Variants in LONP2 observed in about 807,000 individuals in gnomAD.
LONP2 encodes the protein lon protease homolog 2, peroxisomal.
In LONP2, 60 loss-of-function variants were observed where a neutral mutation model predicts 85.6. The ratio of observed to expected loss-of-function variants is 0.70; its 90% CI spans 0.57 to 0.87. LONP2 has a LOEUF of 0.87. Ranked by LOEUF, LONP2 falls within the 40% of genes least tolerant of loss-of-function variation. The pLI is 0.00. For synonymous variants in LONP2, 395 were observed against 389.7 expected, an observed-to-expected ratio of 1.01 and a Z score of -0.16; for missense variants, 860 against 1,063.5, an observed-to-expected ratio of 0.81 and a Z score of 2.66.
Position 48,299,669 on chromosome 16 carries a change from A to T in LONP2, c.1542A>T (p.Thr514=), listed in dbSNP as rs147131724. 9 of 1,612,462 alleles carry T rather than the reference A, an allele frequency of 5.6e-6. No individual in the cohort carries two copies. Among genetic ancestry groups the T allele is most frequent in the Non-Finnish European group, 7.6e-6 (9 of 1,179,466 alleles). The stretch of plus-strand genomic sequence containing the variant: ...AGATCTCTTCTTTTCCAGGTTATAC[A>T]CAGGAGGAGAAGATAGAGATTGCCC... ...RMEIIQVPGY[T]QEEKIEIAHR... Residue 514 remains threonine (T), a synonymous_variant, in exon 10 of 15, where the codon ACA becomes ACT. Coordinates refer to ENST00000285737, the MANE Select transcript of LONP2 (RefSeq NM_031490.5).
At chr16:48,329,028 A>T (rs1353978348) in intron 11 of LONP2, among the ~76,000 whole-genome samples, 1 of 152,142 alleles carries the variant, frequency 6.6e-6, no homozygotes, top group Admixed American at 6.6e-5. Flanking sequence ...CTAGGTGGTA[A>T]TCTGAGTCAG....
chr16:48,296,452 G>A (rs917794149), intron 9 of LONP2, among the ~76,000 whole-genome samples: 2 of 152,204 alleles, frequency 1.3e-5, no homozygotes, highest in Admixed American at 1.3e-4. Flanking sequence ...GGCAGGCTGT[G>A]TGTGGTGGCT....
intron 11 of LONP2, among the ~76,000 whole-genome samples, chr16:48,326,506 A>G (rs2151019108): frequency 6.6e-6 from 1 of 152,250 alleles, no homozygotes; most frequent in East Asian, 1.9e-4. Context: ...GAGAATAAGG[A>G]GTGATCACAA....
chr16:48,271,901 G>T (rs143648062), intron 7 of LONP2, among the ~76,000 whole-genome samples: 79 of 152,216 alleles, frequency 5.2e-4, no homozygotes, highest in African/African-American at 1.8e-3. Context: ...GTTTGCTTTC[G>T]TAAAGGAATT....
At chr16:48,301,598 G>A (rs1344626715) in intron 10 of LONP2, among the ~76,000 whole-genome samples, 1 of 146,870 alleles carries the variant, frequency 6.8e-6, no homozygotes, top group Non-Finnish European at 1.5e-5. Flanking sequence ...TCGTGCCACT[G>A]CACTCCAGCC....
At chr16:48,263,115 A>G (rs1439885041) in intron 6 of LONP2, among the ~76,000 whole-genome samples, 5 of 152,226 alleles carry the variant, frequency 3.3e-5, no homozygotes, top group Non-Finnish European at 7.3e-5. Flanking sequence ...CTTCATAGCC[A>G]TAAACATATC....
chr16:48,257,129 T>C (rs536114925), intron 3 of LONP2, among the ~76,000 whole-genome samples: 1 of 152,170 alleles, frequency 6.6e-6, no homozygotes, highest in East Asian at 1.9e-4. Context: ...CTGGCCAACA[T>C]GGTAAAACCC....
In LONP2 at chr16:48,362,733, A is replaced by G. The variant is rs959468460; in HGVS notation, c.*870A>G. ...TAAATGCTAAAATAGAAAATGGACC[A>G]TAAACAACTAAAGAAACTATACAAG... On this transcript the variant is annotated 3_prime_UTR_variant, in exon 5 of 5. Coordinates refer to the LONP2 transcript ENST00000565867. This position sits in a 1 kb window ranked among gnomAD's most constrained non-coding sequence, Gnocchi z 4.2. 6 of 269,630 alleles carry G rather than the reference A, an allele frequency of 2.2e-5. No homozygotes were observed. Among genetic ancestry groups the G allele is most frequent in the Admixed American group, 1.0e-4 (2 of 19,620 alleles). 16.7% of individuals were successfully genotyped at this position (269,630 alleles called of 1,614,324 possible).
At chr16:48,296,245 A>C (rs1972668255) in intron 9 of LONP2, 80 bp downstream of exon 9, 3 of 1,456,850 alleles carry the variant, frequency 2.1e-6, no homozygotes, top group Admixed American at 2.1e-5. Context: ...TGGAGTTTTG[A>C]CTAAAAGAAG....
At chr16:48,306,742 A>G (rs981400953) in intron 11 of LONP2, among the ~76,000 whole-genome samples, 3 of 152,220 alleles carry the variant, frequency 2.0e-5, no homozygotes, top group African/African-American at 2.4e-5. Flanking sequence ...AATAATTTCT[A>G]CAAAAGAGTC....
intron 11 of LONP2, among the ~76,000 whole-genome samples, chr16:48,309,606 A>C (rs1972986805): frequency 6.6e-6 from 1 of 152,158 alleles, no homozygotes. Flanking sequence ...ATTGACCCAA[A>C]GGTTGTCCAG....
Position 48,332,302 on chromosome 16 carries a change from G to A in LONP2, c.1796-1914G>A, listed in dbSNP as rs558427420. On this transcript the variant is annotated intron_variant, in intron 11 of 14. Coordinates refer to ENST00000285737, the MANE Select transcript of LONP2 (RefSeq NM_031490.5). ...AATATATGTAGATATATTGCTGGAC[G>A]TGGTGGCTCACACCTGTAATCCCAA... Among the ~76,000 whole-genome samples, 32 of 152,290 alleles carry A rather than the reference G, an allele frequency of 2.1e-4. No individual in the cohort carries two copies. In the South Asian group the frequency reaches 5.4e-3, roughly 26 times the overall value.
intron 8 of LONP2, among the ~76,000 whole-genome samples, chr16:48,277,924 A>G (rs1199721471): frequency 1.3e-5 from 2 of 148,922 alleles, no homozygotes; most frequent in African/African-American, 2.5e-5. Flanking sequence ...GTCATTTTCT[A>G]TAGATGCCCC....
chr16:48,318,613 C>T (rs949399035), intron 11 of LONP2, among the ~76,000 whole-genome samples: 27 of 152,216 alleles, frequency 1.8e-4, no homozygotes, highest in African/African-American at 6.3e-4. Context: ...TCCCACTTTA[C>T]CACACCTTTA....
intron 10 of LONP2, among the ~76,000 whole-genome samples, chr16:48,300,977 A>C (rs1489721503): frequency 1.3e-5 from 2 of 152,196 alleles, no homozygotes; most frequent in Non-Finnish European, 2.9e-5. Flanking sequence ...TACCTAGAGA[A>C]CTGTTTCTTT....
intron 7 of LONP2, 57 bp from the exon 8 acceptor site, chr16:48,277,281 G>T (rs955791604): frequency 4.5e-6 from 7 of 1,554,654 alleles, no homozygotes; most frequent in Non-Finnish European, 6.1e-6. Flanking sequence ...TTTCTGAATG[G>T]CGTCGCTCCT....
chr16:48,309,997 A>G (rs1038002444), intron 11 of LONP2, among the ~76,000 whole-genome samples: 3 of 151,782 alleles, frequency 2.0e-5, no homozygotes, highest in African/African-American at 4.8e-5. Context: ...TTTTGGGAGT[A>G]TATACTTAGG....
At chr16:48,288,150 CTTT>C (rs1170612024) in intron 8 of LONP2, among the ~76,000 whole-genome samples, 3 of 121,564 alleles carry the variant, frequency 2.5e-5, no homozygotes, top group South Asian at 5.3e-4. Context: ...TAGTCTTCTT[CTTT>C]TTTTTTTTTT....
chr16:48,292,426 C>T (rs373311854), intron 8 of LONP2, among the ~76,000 whole-genome samples: 8 of 152,110 alleles, frequency 5.3e-5, no homozygotes, highest in South Asian at 4.1e-4. Flanking sequence ...GTTTGTGTGA[C>T]GCAGTTCCCA....
Sources: gnomAD v4.1 joint callset for allele counts (sites outside exome capture counted in the v4.1 genomes callset) on GRCh38, gnomAD v4.1.1 for gene constraint, Gnocchi (gnomAD v3.1) non-coding constraint, MANE v1.5 for transcripts, NCBI Gene and HGNC (gene_info 2026-07-23, HGNC 2026-07-21) for gene names.